Variants in CSMD1 observed in about 807,000 individuals in gnomAD.
CSMD1 encodes CUB and sushi domain-containing protein 1.
In CSMD1, 213 loss-of-function variants were observed where a neutral mutation model predicts 417.5. That is an observed-to-expected ratio of 0.51 (90% CI 0.46 to 0.57). CSMD1 has a LOEUF of 0.57. Ranked by LOEUF, CSMD1 falls within the 20% of genes least tolerant of loss-of-function variation. The pLI, the probability that CSMD1 is intolerant of heterozygous loss-of-function variation, is 0.00. For synonymous variants in CSMD1, 2,862 were observed against 1,736.8 expected, an observed-to-expected ratio of 1.65 and a Z score of -16.11; for missense variants, 6,923 against 4,529.7, an observed-to-expected ratio of 1.53 and a Z score of -15.17.
chr8:3,024,581 A>C (rs1334146081), intron 51 of CSMD1, among the ~76,000 whole-genome samples: 1 of 152,222 alleles, frequency 6.6e-6, no homozygotes, highest in Non-Finnish European at 1.5e-5. Flanking sequence ...TGTTGTGATT[A>C]TAGGCATGAG....
At chr8:4,455,502 A>C (rs1433890459) in intron 2 of CSMD1, among the ~76,000 whole-genome samples, 2 of 152,130 alleles carry the variant, frequency 1.3e-5, no homozygotes, top group Non-Finnish European at 2.9e-5. Flanking sequence ...GCTGGTTTCC[A>C]TTTGTCTCTG....
chr8:4,530,514 G>A (rs1796756014), intron 2 of CSMD1, among the ~76,000 whole-genome samples: 1 of 150,178 alleles, frequency 6.7e-6, no homozygotes. Flanking sequence ...CCCCTGACAG[G>A]CCCCAGTGTG....
chr8:4,415,877 G>A (rs558330942), intron 3 of CSMD1, among the ~76,000 whole-genome samples: 1 of 152,198 alleles, frequency 6.6e-6, no homozygotes, highest in Non-Finnish European at 1.5e-5. Context: ...AGAGGAAACA[G>A]TGAGTGTATA....
intron 5 of CSMD1, among the ~76,000 whole-genome samples, chr8:3,845,935 T>A (rs748591377): frequency 6.6e-6 from 1 of 152,066 alleles, no homozygotes; most frequent in Non-Finnish European, 1.5e-5. Context: ...TCTTCCACCT[T>A]CACATCCTGT....
At chr8:3,476,570 A>C (rs1471071736) in intron 11 of CSMD1, among the ~76,000 whole-genome samples, 1 of 152,128 alleles carries the variant, frequency 6.6e-6, no homozygotes, top group Non-Finnish European at 1.5e-5. Flanking sequence ...CAAAGGTTAC[A>C]CAGAACATAC....
At chr8:4,155,952 A>T (rs1186142040) in intron 3 of CSMD1, among the ~76,000 whole-genome samples, 1 of 152,182 alleles carries the variant, frequency 6.6e-6, no homozygotes, top group South Asian at 2.1e-4. Context: ...GCAGCTGCAC[A>T]TTTTAATCAT....
At chr8:3,523,871 A>C (rs1797628031) in intron 10 of CSMD1, among the ~76,000 whole-genome samples, 2 of 150,438 alleles carry the variant, frequency 1.3e-5, no homozygotes, top group African/African-American at 2.5e-5. Context: ...ACACACTTAC[A>C]CATGCACACA....
rs537525441 is a variant in CSMD1 at position 3,803,459 on chromosome 8, C to T, written c.819-49417G>A. Among the ~76,000 whole-genome samples the T allele has an allele frequency of 4.6e-5, 7 of 152,302 alleles. No homozygotes were observed. In the East Asian group the frequency reaches 1.4e-3, roughly 29 times the overall value. The stretch of plus-strand genomic sequence containing the variant: ...ATTACTCAAAGGAGAAAATATTAAA[C>T]CCCAAGTTATTACTGCTTCAGAGGC... On this transcript the variant is annotated intron_variant, in intron 5 of 69. Transcript: ENST00000635120.
At chr8:3,770,540 A>C (rs1798511753) in intron 5 of CSMD1, among the ~76,000 whole-genome samples, 1 of 152,160 alleles carries the variant, frequency 6.6e-6, no homozygotes, top group Non-Finnish European at 1.5e-5. Context: ...AAAAATAAAT[A>C]AATAAAAAGT....
At chr8:3,439,377 T>C (rs1435747027) in intron 12 of CSMD1, among the ~76,000 whole-genome samples, 1 of 146,564 alleles carries the variant, frequency 6.8e-6, no homozygotes, top group Admixed American at 6.9e-5. Context: ...CTCATTTTTG[T>C]CTTAAATTTC....
intron 69 of CSMD1, 87 bp downstream of exon 69, chr8:2,942,385 T>G: frequency 8.9e-7 from 1 of 1,128,212 alleles, no homozygotes; most frequent in South Asian, 1.9e-5. Flanking sequence ...AAAATACATG[T>G]GCATGTGAGC....
At chr8:4,804,025 T>A (rs1313700733) in intron 1 of CSMD1, among the ~76,000 whole-genome samples, 2 of 152,200 alleles carry the variant, frequency 1.3e-5, no homozygotes, top group African/African-American at 4.8e-5. Flanking sequence ...GAAAGCCACA[T>A]CTTTTAAATG....
At chr8:4,183,381 A>G (rs985626796) in intron 3 of CSMD1, among the ~76,000 whole-genome samples, 6 of 152,214 alleles carry the variant, frequency 3.9e-5, no homozygotes, top group South Asian at 2.1e-4. Context: ...TCTTCTTTCA[A>G]TAAGGAAGCT....
At chr8:4,213,733 G>T in intron 3 of CSMD1, among the ~76,000 whole-genome samples, 1 of 152,216 alleles carries the variant, frequency 6.6e-6, no homozygotes. Flanking sequence ...TGAAAGGGTG[G>T]GAATGGGGTA....
In CSMD1 at chr8:3,229,796, T is replaced by G. The variant is rs533753580; in HGVS notation, c.4345+244A>C. ...TGATCCATGTTTATGTAACATTTGT[T>G]AAGGGTAGGAAATATACGGTAAATG... On this transcript the variant is annotated intron_variant, in intron 27 of 69. Transcript: ENST00000635120. Among the ~76,000 whole-genome samples the G allele has an allele frequency of 2.6e-5, 4 of 152,290 alleles. No homozygotes were observed. In the East Asian group the frequency reaches 7.7e-4, roughly 29 times the overall value.
At chr8:2,997,847 A>G (rs930673220) in intron 54 of CSMD1, among the ~76,000 whole-genome samples, 164 bp downstream of exon 54, 1 of 152,132 alleles carries the variant, frequency 6.6e-6, no homozygotes, top group African/African-American at 2.4e-5. Context: ...AGCCATGGAG[A>G]GCTTTGTGCT....
intron 1 of CSMD1, among the ~76,000 whole-genome samples, chr8:4,768,394 C>G (rs1483075968): frequency 6.6e-6 from 1 of 152,194 alleles, no homozygotes; most frequent in African/African-American, 2.4e-5. Flanking sequence ...TCAGAAAATC[C>G]TTCCATACAG....
chr8:3,018,350 G>T, intron 52 of CSMD1, 127 bp downstream of exon 52: 1 of 762,808 alleles, frequency 1.3e-6, no homozygotes, highest in Admixed American at 2.6e-5. Context: ...CACACTGGGA[G>T]GTGCAGCATT....
chr8:4,843,107 G>A (rs1425341969), intron 1 of CSMD1, among the ~76,000 whole-genome samples: 2 of 152,146 alleles, frequency 1.3e-5, no homozygotes, highest in African/African-American at 4.8e-5. Flanking sequence ...TAGGATGTGC[G>A]AATTGAGAGT....
Sources: allele counts gnomAD v4.1 joint callset (sites outside exome capture counted in the v4.1 genomes callset), GRCh38; gene constraint gnomAD v4.1.1; transcripts MANE v1.5; gene names NCBI Gene and HGNC (gene_info 2026-07-23, HGNC 2026-07-21).